The following CSMD1 variants were observed in gnomAD, a reference collection of about 807,000 sequenced individuals.
CSMD1 encodes CUB and sushi domain-containing protein 1.
CSMD1 carries 213 observed loss-of-function variants against 417.5 expected under a neutral mutation model. That is an observed-to-expected ratio of 0.51 (90% confidence interval 0.46 to 0.57). The LOEUF is 0.57. Among genes scored for constraint, CSMD1 ranks in the 20% least tolerant of loss-of-function variants. CSMD1 has a pLI of 0.00. For missense variants in CSMD1, 6,923 were observed against 4,529.7 expected (o/e 1.53, Z -15.17); for synonymous variants, 2,862 against 1,736.8 (o/e 1.65, Z -16.11).
chr8:4,903,053 A>C lies in CSMD1; in HGVS notation c.85+91279T>G, dbSNP rs952154838. On this transcript the variant is annotated intron_variant, in intron 1 of 69. Transcript: ENST00000635120. ...TAAATAAATAATAAACTAAATAATA[A>C]ACTTTGAATACTGTCATGTATTAGA... Among the ~76,000 whole-genome samples the C allele has an allele frequency of 3.0e-4, 45 of 151,098 alleles. 1 individual carries two copies. Among genetic ancestry groups the C allele is most frequent in the Non-Finnish European group, 5.5e-4 (37 of 67,818 alleles).
intron 2 of CSMD1, among the ~76,000 whole-genome samples, chr8:4,563,145 T>C (rs57782292): frequency 0.044 from 6,767 of 152,252 alleles, 447 homozygotes; most frequent in African/African-American, 0.15. Context: ...CTCATGCCTG[T>C]AATCTCAGCA....
chr8:4,721,689 G>C (rs1219395820), intron 1 of CSMD1, among the ~76,000 whole-genome samples: 1 of 152,096 alleles, frequency 6.6e-6, no homozygotes, highest in Non-Finnish European at 1.5e-5. Flanking sequence ...ATATAACCCA[G>C]CAATCCCCCT....
intron 2 of CSMD1, among the ~76,000 whole-genome samples, chr8:4,610,239 C>A (rs746461700): frequency 1.3e-5 from 2 of 152,112 alleles, no homozygotes; most frequent in Non-Finnish European, 2.9e-5. Flanking sequence ...GAGACTAAAT[C>A]CTTCATAGAG....
chr8:3,268,319 C>T (rs185983040), intron 26 of CSMD1, among the ~76,000 whole-genome samples: 649 of 56,616 alleles, frequency 0.011, 10 homozygotes, highest in East Asian at 0.078. Context: ...TTTTTTGAGA[C>T]GGAGTTTTGC....
intron 1 of CSMD1, among the ~76,000 whole-genome samples, chr8:4,874,837 TTATA>T (rs971615335): frequency 2.7e-5 from 4 of 149,236 alleles, no homozygotes; most frequent in Admixed American, 1.3e-4. Context: ...TAATTCTGGT[TTATA>T]TATATATAAT....
At chr8:4,354,874 G>GTGTC (rs1554442756) in intron 3 of CSMD1, among the ~76,000 whole-genome samples, 1 of 137,760 alleles carries the variant, frequency 7.3e-6, no homozygotes, top group Non-Finnish European at 1.5e-5. Flanking sequence ...TAGTGTGTGT[G>GTGTC]TGTGTGTGTG....
intron 21 of CSMD1, among the ~76,000 whole-genome samples, 156 bp downstream of exon 21, chr8:3,358,996 G>C (rs553695057): frequency 1.1e-4 from 16 of 152,202 alleles, no homozygotes; most frequent in Admixed American, 9.8e-4. Flanking sequence ...CAGTTAGGCA[G>C]CTCCCCTCTC....
chr8:3,221,836 C>T (rs1798235167), intron 28 of CSMD1, among the ~76,000 whole-genome samples: 1 of 151,998 alleles, frequency 6.6e-6, no homozygotes, highest in Non-Finnish European at 1.5e-5. Flanking sequence ...AGCCTGGGAG[C>T]CCATATGTCC....
Position 4,188,100 on chromosome 8 carries a change from C to T in CSMD1, c.416-156001G>A, listed in dbSNP as rs955458433. 2.6e-5 allele frequency among the ~76,000 whole-genome samples: 4 copies of T among 151,934 alleles called. No individual in the cohort carries two copies. In the South Asian group the frequency reaches 6.2e-4, roughly 24 times the overall value. ...GAAAAGTGACTGCTGGCAGGATGCA[C>T]GACATGTAATTAAAAACATAGGTTT... On this transcript the variant is annotated intron_variant, in intron 3 of 69. Coordinates refer to ENST00000635120, the MANE Select transcript of CSMD1 (RefSeq NM_033225.6).
At chr8:3,002,078 T>C (rs1344768056) in intron 52 of CSMD1, among the ~76,000 whole-genome samples, 1 of 152,146 alleles carries the variant, frequency 6.6e-6, no homozygotes, top group Non-Finnish European at 1.5e-5. Context: ...CCAGGCTAGA[T>C]TTGGCTAATT....
At chr8:4,961,442 T>G (rs1228242649) in intron 1 of CSMD1, among the ~76,000 whole-genome samples, 1 of 152,148 alleles carries the variant, frequency 6.6e-6, no homozygotes, top group Non-Finnish European at 1.5e-5. Context: ...AATGTCCTCT[T>G]CTAGTTGATT....
chr8:3,676,911 C>A (rs13269777), intron 7 of CSMD1, among the ~76,000 whole-genome samples: 10 of 151,700 alleles, frequency 6.6e-5, no homozygotes, highest in African/African-American at 1.9e-4. Flanking sequence ...GAACAGAAAA[C>A]CAAACACCAC....
intron 1 of CSMD1, among the ~76,000 whole-genome samples, chr8:4,967,001 T>C (rs748913122): frequency 4.9e-4 from 75 of 152,216 alleles, no homozygotes; most frequent in Non-Finnish European, 1.0e-3. Flanking sequence ...TTTGTACTTC[T>C]GATGTTATTG....
intron 5 of CSMD1, among the ~76,000 whole-genome samples, chr8:3,914,362 T>A (rs1188031873): frequency 6.6e-6 from 1 of 151,788 alleles, no homozygotes; most frequent in African/African-American, 2.4e-5. Flanking sequence ...CCCATTACGT[T>A]GGATAGATGT....
chr8:3,606,532 G>C (rs1238474516), intron 8 of CSMD1, among the ~76,000 whole-genome samples: 2 of 152,082 alleles, frequency 1.3e-5, no homozygotes, highest in African/African-American at 2.4e-5. Flanking sequence ...AGCTGGCAGG[G>C]TGGAAGTTGC....
chr8:4,014,026 C>T (rs952726556), intron 4 of CSMD1, among the ~76,000 whole-genome samples: 5 of 151,938 alleles, frequency 3.3e-5, no homozygotes, highest in African/African-American at 7.3e-5. Flanking sequence ...AAAGGACATA[C>T]GGAGAAATAT....
chr8:3,742,558 AG>A (rs1357518678), intron 6 of CSMD1, among the ~76,000 whole-genome samples: 1 of 152,176 alleles, frequency 6.6e-6, no homozygotes, highest in Non-Finnish European at 1.5e-5. Flanking sequence ...GACATGGTGA[AG>A]AAAGTGACGC....
chr8:3,188,189 T>C (rs1239142553), intron 35 of CSMD1, among the ~76,000 whole-genome samples: 2 of 148,166 alleles, frequency 1.3e-5, no homozygotes, highest in Non-Finnish European at 3.0e-5. Context: ...TATATATATA[T>C]ACCTTAATCA....
intron 7 of CSMD1, among the ~76,000 whole-genome samples, chr8:3,633,350 G>C (rs1796876198): frequency 6.6e-6 from 1 of 152,186 alleles, no homozygotes; most frequent in South Asian, 2.1e-4. Flanking sequence ...TGTCAAAGGT[G>C]TCTTTGGTCC....
Sources: allele counts gnomAD v4.1 joint callset (sites outside exome capture counted in the v4.1 genomes callset), GRCh38; gene constraint gnomAD v4.1.1; transcripts MANE v1.5; gene names NCBI Gene and HGNC (gene_info 2026-07-23, HGNC 2026-07-21).